The following AP1G1 variants were observed in gnomAD, a reference collection of about 807,000 sequenced individuals.
AP1G1 encodes the protein adaptor related protein complex 1 subunit gamma 1.
A neutral mutation model predicts 108.3 loss-of-function variants in AP1G1; 7 were observed. The observed-to-expected ratio is 0.06, with a 90% CI of 0.04 to 0.12. AP1G1 has a LOEUF of 0.12. Among genes scored for constraint, AP1G1 ranks in the 10% least tolerant of loss-of-function variants. The pLI, the probability that AP1G1 is intolerant of heterozygous loss-of-function variation, is 1.00. For synonymous variants in AP1G1, 379 were observed against 353.5 expected (o/e 1.07, Z -0.81); for missense variants, 756 against 1,010.7 (o/e 0.75, Z 3.42).
chr16:71,741,975 T>C (rs1413512230), intron 19 of AP1G1, among the ~76,000 whole-genome samples: 1 of 152,234 alleles, frequency 6.6e-6, no homozygotes, highest in Admixed American at 6.5e-5. Flanking sequence ...AAATCTATTC[T>C]GAATTTCTAC....
chr16:71,757,888 T>C (rs1018386168), intron 11 of AP1G1, among the ~76,000 whole-genome samples: 1 of 152,208 alleles, frequency 6.6e-6, no homozygotes, highest in Non-Finnish European at 1.5e-5. Flanking sequence ...GTTAAGTCAT[T>C]TGATCCCCAT....
chr16:71,739,206 G>A (rs2045587291), intron 20 of AP1G1, 28 bp downstream of exon 20: 4 of 1,608,350 alleles, frequency 2.5e-6, no homozygotes, highest in African/African-American at 1.3e-5. Context: ...AGTGCTCCAT[G>A]TAATGATGGT....
intron 2 of AP1G1, among the ~76,000 whole-genome samples, chr16:71,779,995 G>GC (rs774687282): frequency 1.5e-5 from 2 of 129,636 alleles, no homozygotes; most frequent in Non-Finnish European, 3.3e-5. Flanking sequence ...GTTTTTTTTT[G>GC]TTTTTTTTTT....
rs1286079166 is a variant in AP1G1 at position 71,771,137 on chromosome 16, T to A, written c.565+19A>T. On this transcript the variant is annotated intron_variant, in intron 5 of 22. Coordinates refer to ENST00000299980, the MANE Select transcript of AP1G1 (RefSeq NM_001128.6). The stretch of plus-strand genomic sequence containing the variant: ...CCTTTCTCCCTCAATACTTCATGAA[T>A]ACATCCAAATTACATTACCATGGTT... 4 of 1,450,800 alleles carry A rather than the reference T, an allele frequency of 2.8e-6. No homozygotes were observed. The highest frequency in any genetic ancestry group is 3.9e-6 in the Non-Finnish European group (4 of 1,035,918). The allele number at this position is 1,450,800 out of a possible 1,614,324, so 89.9% of individuals were successfully genotyped here.
intron 1 of AP1G1, among the ~76,000 whole-genome samples, chr16:71,790,397 G>A (rs1303738666): frequency 4.6e-5 from 7 of 151,802 alleles, no homozygotes; most frequent in Admixed American, 1.3e-4. Flanking sequence ...AAAATTAGCC[G>A]GCCATGGTGG....
chr16:71,777,601 G>A (rs1415071336), intron 2 of AP1G1: 3 of 404,000 alleles, frequency 7.4e-6, no homozygotes, highest in African/African-American at 2.1e-5. Flanking sequence ...GTTGGCAGGC[G>A]GTCATGCCGA....
intron 2 of AP1G1, among the ~76,000 whole-genome samples, chr16:71,780,718 A>G (rs2145505586): frequency 6.6e-6 from 1 of 152,176 alleles, no homozygotes; most frequent in South Asian, 2.1e-4. Flanking sequence ...GTTAGTTCAC[A>G]GTTAGTAACC....
Position 71,733,042 on chromosome 16 carries a change from G to A in AP1G1, c.*16C>T. 2 of 1,597,894 alleles carry A rather than the reference G, an allele frequency of 1.3e-6. No homozygotes were observed. Among genetic ancestry groups the A allele is most frequent in the African/African-American group, 2.7e-5 (2 of 74,546 alleles). On this transcript the variant is annotated 3_prime_UTR_variant, in exon 23 of 23. Coordinates refer to ENST00000299980, the MANE Select transcript of AP1G1 (RefSeq NM_001128.6). The stretch of plus-strand genomic sequence containing the variant: ...TTTGATTGAGTGGGATAAAGAATGA[G>A]AATGGTGCCAAACCCTCATTGCCAG...
intron 2 of AP1G1, among the ~76,000 whole-genome samples, chr16:71,787,354 T>A (rs988917358): frequency 6.9e-6 from 1 of 144,734 alleles, no homozygotes; most frequent in Non-Finnish European, 1.5e-5. Flanking sequence ...ATTAGCTGGG[T>A]GTGGTGCCAT....
chr16:71,774,018 C>A (rs1470867739), intron 3 of AP1G1, among the ~76,000 whole-genome samples: 1 of 148,660 alleles, frequency 6.7e-6, no homozygotes, highest in East Asian at 2.1e-4. Flanking sequence ...TCTGAGATCA[C>A]GCCACTGCAG....
rs367937754 is a variant in AP1G1 at position 71,762,915 on chromosome 16, G to A, written c.919-1348C>T. On this transcript the variant is annotated intron_variant, in intron 9 of 22. Transcript: ENST00000299980. Reference sequence around the variant, plus strand: ...GAGTGGCATCTGAAGTTGGGGCGGCGGGGGGTCAGTCTTCTGGGACTGAGC... The same window carrying A: ...GAGTGGCATCTGAAGTTGGGGCGGCAGGGGGTCAGTCTTCTGGGACTGAGC... 4.1e-4 allele frequency among the ~76,000 whole-genome samples: 62 copies of A among 152,266 alleles called. 1 individual carries two copies. Among genetic ancestry groups the A allele is most frequent in the East Asian group, 1.2e-3 (6 of 5,174 alleles).
chr16:71,773,504 C>A, intron 3 of AP1G1, 142 bp from the exon 4 acceptor site: 1 of 829,308 alleles, frequency 1.2e-6, no homozygotes, highest in Non-Finnish European at 1.7e-6. Context: ...ATGTTTATCC[C>A]AACTTTATTA....
At chr16:71,787,222 G>A (rs1316456616) in intron 2 of AP1G1, among the ~76,000 whole-genome samples, 1 of 151,716 alleles carries the variant, frequency 6.6e-6, no homozygotes, top group African/African-American at 2.4e-5. Flanking sequence ...GGGAGGCTGA[G>A]GCAGAAGAAT....
intron 13 of AP1G1, among the ~76,000 whole-genome samples, chr16:71,751,058 G>A (rs1462324198): frequency 6.7e-6 from 1 of 150,102 alleles, no homozygotes; most frequent in Non-Finnish European, 1.5e-5. Context: ...AGGAGGCTGA[G>A]ACAGCAGAAT....
intron 13 of AP1G1, among the ~76,000 whole-genome samples, chr16:71,752,940 T>C (rs2030580946): frequency 6.6e-6 from 1 of 152,214 alleles, no homozygotes; most frequent in Non-Finnish European, 1.5e-5. Context: ...TAGAGTGGTA[T>C]TTCCTATCAA....
At chr16:71,800,409 C>T (rs564357512) in intron 1 of AP1G1, among the ~76,000 whole-genome samples, 1 of 150,372 alleles carries the variant, frequency 6.7e-6, no homozygotes, top group East Asian at 2.0e-4. Flanking sequence ...TGGCCAGGCA[C>T]GGTGGCTCAC....
chr16:71,764,678 AATC>A lies in AP1G1; in HGVS notation c.784_786del (p.Asp262del). 1 of 1,611,536 alleles carries A rather than the reference AATC, an allele frequency of 6.2e-7. No individual in the cohort carries two copies. The highest frequency in any genetic ancestry group is 8.5e-7 in the Non-Finnish European group (1 of 1,179,322). ...AATATATCATTCATAGCTTCACTTG[AATC>A]ATCATCATTTCGTCCTAAAATTCTT... On this transcript the variant is annotated inframe_deletion, in exon 8 of 23. Transcript: ENST00000299980.
intron 4 of AP1G1, chr16:71,772,949 T>C (rs2031633072): frequency 2.1e-6 from 1 of 486,928 alleles, no homozygotes. Context: ...TAAAAATCTG[T>C]TCATAATCAC....
intron 1 of AP1G1, among the ~76,000 whole-genome samples, chr16:71,792,158 G>T (rs558827015): frequency 5.9e-5 from 9 of 152,154 alleles, no homozygotes; most frequent in South Asian, 4.2e-4. Context: ...GAACTATGGG[G>T]GATGGAAGGC....
Sources: allele counts gnomAD v4.1 joint callset (sites outside exome capture counted in the v4.1 genomes callset), GRCh38; gene constraint gnomAD v4.1.1; transcripts MANE v1.5; gene names NCBI Gene and HGNC (gene_info 2026-07-23, HGNC 2026-07-21).